FAM20B: variants seen among roughly 807,000 people sequenced by gnomAD.
The protein encoded by FAM20B is glycosaminoglycan xylosylkinase.
In FAM20B, 23 loss-of-function variants were observed where a neutral mutation model predicts 43.8. That is an observed-to-expected ratio of 0.53 (90% confidence interval 0.38 to 0.74). The LOEUF (loss-of-function observed/expected upper bound fraction) is 0.74. FAM20B is among the 30% of genes least tolerant of loss of function. FAM20B has a pLI of 0.00. For missense variants in FAM20B, 440 were observed against 510.5 expected (o/e 0.86, Z 1.33); for synonymous variants, 178 against 192.4 (o/e 0.93, Z 0.62).
intron 2 of FAM20B, among the ~76,000 whole-genome samples, chr1:179,047,049 G>A (rs1320223629): frequency 6.6e-6 from 1 of 152,154 alleles, no homozygotes; most frequent in Admixed American, 6.5e-5. Flanking sequence ...AGAATTGAAG[G>A]GGAGTTGGGA....
Position 179,067,236 on chromosome 1 carries a change from C to CGTGA in FAM20B, c.998+377_998+378insGTGA, listed in dbSNP as rs1402158381. ...TGTGGTTTTAACTCCTCTCACTCAC[C>CGTGA]CATCACATACCACCTGGGGTTTACA... On this transcript the variant is annotated intron_variant, in intron 7 of 7. Coordinates refer to ENST00000263733, the MANE Select transcript of FAM20B (RefSeq NM_014864.4). Among the ~76,000 whole-genome samples the CGTGA allele has an allele frequency of 3.9e-5, 6 of 152,028 alleles. 1 individual carries two copies. In the East Asian group the frequency reaches 7.7e-4, roughly 20 times the overall value.
chr1:179,067,488 C>G (rs1186935304), intron 7 of FAM20B, among the ~76,000 whole-genome samples: 1 of 152,078 alleles, frequency 6.6e-6, no homozygotes, highest in East Asian at 1.9e-4. Context: ...ACCAGTATTC[C>G]AGCTACTTAG....
upstream of FAM20B, among the ~76,000 whole-genome samples, chr1:179,025,195 C>A (rs182711150): frequency 6.6e-6 from 1 of 152,322 alleles, no homozygotes; most frequent in East Asian, 1.9e-4. Context: ...GGGTGCACTA[C>A]GGTCGGGCAT....
rs1650652717 is a variant in FAM20B, at chr1:179,043,971, C to T, written c.124C>T (p.His42Tyr). 1.2e-6 allele frequency: 2 copies of T among 1,614,180 alleles called. No homozygotes were observed. The highest frequency in any genetic ancestry group is 2.2e-5 in the East Asian group (1 of 44,888). The part of the protein sequence containing the change: ...AANREDQRAF[H>Y]RMMTGLRVEL... The stretch of plus-strand genomic sequence containing the variant: ...CAACCGGGAGGACCAGAGGGCCTTT[C>T]ACCGAATGATGACTGGCTTGCGGGT... The change falls in exon 2 of 8, where the codon CAC becomes TAC. Residue 42 changes from histidine to tyrosine, a missense_variant. Transcript: ENST00000263733.
intron 3 of FAM20B, 50 bp downstream of exon 3, chr1:179,050,415 C>A: frequency 6.8e-7 from 1 of 1,462,130 alleles, no homozygotes; most frequent in Non-Finnish European, 9.6e-7. Context: ...TTTCAAAAAT[C>A]TTTCTTGGAG....
intron 1 of FAM20B, among the ~76,000 whole-genome samples, chr1:179,043,128 C>T (rs1048693547): frequency 1.3e-5 from 2 of 152,122 alleles, no homozygotes; most frequent in African/African-American, 4.8e-5. Context: ...TGCCTGCAGG[C>T]CTACACTGAG....
In FAM20B at chr1:179,064,428, C is replaced by T; in HGVS notation, c.870C>T (p.Arg290=). The T allele has an allele frequency of 1.2e-6, 2 of 1,614,140 alleles. No individual in the cohort carries two copies. The highest frequency in any genetic ancestry group is 4.5e-5 in the East Asian group (2 of 44,888). ...ATTACCTGATTGGCAATGCTGACCG[C>T]CATCACTATGAGAGCTTTCAAGATG... is the stretch of plus-strand genomic sequence containing the variant. ...VFDYLIGNAD[R]HHYESFQDDE... The change falls in exon 6 of 8, where the codon CGC becomes CGT. Residue 290 remains arginine (R), a synonymous_variant. Transcript: ENST00000263733.
chr1:179,055,264 T>G (rs931082164), intron 4 of FAM20B, among the ~76,000 whole-genome samples: 1 of 152,176 alleles, frequency 6.6e-6, no homozygotes, highest in African/African-American at 2.4e-5. Context: ...GTGAGCAAGA[T>G]GAGAATGGGA....
chr1:179,043,064 C>T (rs1320717748), intron 1 of FAM20B, among the ~76,000 whole-genome samples: 1 of 152,208 alleles, frequency 6.6e-6, no homozygotes, highest in African/African-American at 2.4e-5. Context: ...CAGGAGCCTG[C>T]CTCCTGCCAC....
At chr1:179,067,813 G>A (rs1440954726) in intron 7 of FAM20B, among the ~76,000 whole-genome samples, 2 of 151,952 alleles carry the variant, frequency 1.3e-5, no homozygotes, top group African/African-American at 4.8e-5. Context: ...ACCCAGGTAG[G>A]AGTGTGGTGG....
chr1:179,042,144 G>C (rs562524679), intron 1 of FAM20B, among the ~76,000 whole-genome samples: 16 of 152,192 alleles, frequency 1.1e-4, no homozygotes, highest in Non-Finnish European at 1.5e-4. Context: ...TGCCCACTGG[G>C]CTCGTTCTAC....
At chr1:179,061,076 A>T (rs969566584) in intron 4 of FAM20B, among the ~76,000 whole-genome samples, 12 of 126,264 alleles carry the variant, frequency 9.5e-5, no homozygotes, top group South Asian at 5.0e-4. Flanking sequence ...TCTTTGTCGA[A>T]TTTTTTTTTT....
intron 1 of FAM20B, among the ~76,000 whole-genome samples, chr1:179,038,874 T>C (rs1434739614): frequency 1.3e-5 from 2 of 152,200 alleles, no homozygotes; most frequent in African/African-American, 4.8e-5. Context: ...ATAATTAGAA[T>C]TTGAAATTAA....
chr1:179,035,278 C>G, intron 1 of FAM20B: 1 of 608,560 alleles, frequency 1.6e-6, no homozygotes, highest in Admixed American at 2.1e-5. Context: ...AGAGAATGGT[C>G]TGTCTTCAGT....
rs199839076 is a variant in FAM20B, at chr1:179,050,214, CT to C, written c.378-63del. 1.5e-3 allele frequency: 1,688 copies of C among 1,139,342 alleles called. 25 individuals are homozygous for C. The African/African-American group carries it at 0.023, about 16-fold the overall frequency. 70.6% of individuals were successfully genotyped at this position (1,139,342 alleles called of 1,614,324 possible). A position where few individuals can be genotyped will look rare whatever the true frequency, so the allele number is the denominator to read the frequency against. On this transcript the variant is annotated intron_variant, in intron 2 of 7. Transcript: ENST00000263733. Reference sequence around the variant, plus strand: ...GCTTGCTAATGGGTGTATTCTACCACTTGTGCTGTCACCTGTTACTGGTGTA... The same window carrying C: ...GCTTGCTAATGGGTGTATTCTACCACTGTGCTGTCACCTGTTACTGGTGTA...
chr1:179,052,296 G>A (rs1485230459), intron 3 of FAM20B, among the ~76,000 whole-genome samples: 2 of 152,070 alleles, frequency 1.3e-5, no homozygotes, highest in Non-Finnish European at 2.9e-5. Flanking sequence ...TGTGGGGTGG[G>A]GGGAGGTTCA....
intron 3 of FAM20B, 85 bp from the exon 4 acceptor site, chr1:179,054,444 C>T: frequency 1.2e-6 from 1 of 804,446 alleles, no homozygotes. Context: ...ACACATTTGA[C>T]ATGATGAACT....
In FAM20B at chr1:179,043,977, A is replaced by G; in HGVS notation, c.130A>G (p.Met44Val). Residue 44 changes from methionine (M) to valine (V), a missense_variant, in exon 2 of 8, where the codon ATG (methionine) becomes GTG (valine). By Grantham distance (21) the Met-to-Val change is conservative. Transcript: ENST00000263733. ...NREDQRAFHR[M>V]MTGLRVELAP... Reference sequence around the variant, plus strand: ...GGAGGACCAGAGGGCCTTTCACCGAATGATGACTGGCTTGCGGGTGGAGCT... The same window carrying G: ...GGAGGACCAGAGGGCCTTTCACCGAGTGATGACTGGCTTGCGGGTGGAGCT... 6.2e-7 allele frequency: 1 copy of G among 1,614,212 alleles called. No homozygotes were observed.
At chr1:179,060,399 T>C (rs537427548) in intron 4 of FAM20B, among the ~76,000 whole-genome samples, 86 of 152,092 alleles carry the variant, frequency 5.7e-4, no homozygotes, top group African/African-American at 1.8e-3. Flanking sequence ...ATAGTACCAG[T>C]CTGTGGCGTG....
Sources: gnomAD v4.1 joint callset for allele counts (sites outside exome capture counted in the v4.1 genomes callset) on GRCh38, gnomAD v4.1.1 for gene constraint, MANE v1.5 for transcripts, NCBI Gene and HGNC (gene_info 2026-07-23, HGNC 2026-07-21) for gene names.